PLGRKT: variants seen among roughly 807,000 people sequenced by gnomAD.
PLGRKT encodes the protein plasminogen receptor with a C-terminal lysine, also known as plasminogen receptor (KT).
A neutral mutation model predicts 18.5 loss-of-function variants in PLGRKT; 22 were observed. The ratio of observed to expected loss-of-function variants is 1.19; its 90% CI spans 0.85 to 1.70. PLGRKT has a LOEUF of 1.70. Ranked by LOEUF, PLGRKT falls within the 40% of genes most tolerant of loss-of-function variation. The probability of loss-of-function intolerance (pLI) is 0.00; values close to 1 mark genes in which losing one functional copy is unlikely to be tolerated. For synonymous variants in PLGRKT, 72 were observed against 52.8 expected, an observed-to-expected ratio of 1.36 and a Z score of -1.58; for missense variants, 235 against 174.4, an observed-to-expected ratio of 1.35 and a Z score of -1.96.
Position 5,418,879 on chromosome 9 carries a change from C to G in PLGRKT, c.81+13018G>C. 1 of 1,011,866 alleles carries G rather than the reference C, an allele frequency of 9.9e-7. No homozygotes were observed. The highest frequency in any genetic ancestry group is 1.5e-6 in the Non-Finnish European group (1 of 646,470). 62.7% of individuals were successfully genotyped at this position (1,011,866 alleles called of 1,614,324 possible). On this transcript the variant is annotated intron_variant, in intron 3 of 5. Coordinates refer to ENST00000223864, the MANE Select transcript of PLGRKT (RefSeq NM_018465.4). This position sits in a 1 kb window ranked among gnomAD's most constrained non-coding sequence, Gnocchi z 4.2. ...CGTCTGCTGGAGGCAAACTGAACAG[C>G]AGGTGTGCTTGCAATCCAGCAACTT...
chr9:5,423,804 G>C (rs1236776682), intron 3 of PLGRKT, among the ~76,000 whole-genome samples: 1 of 148,076 alleles, frequency 6.8e-6, no homozygotes, highest in African/African-American at 2.6e-5. Context: ...CCAGGCTCAA[G>C]CAATCCTCCC....
Position 5,436,270 on chromosome 9 carries a change from A to G in PLGRKT, c.-7+299T>C, listed in dbSNP as rs185024574. 1.7e-3 allele frequency among the ~76,000 whole-genome samples: 253 copies of G among 152,352 alleles called. 2 individuals carry two copies. Among genetic ancestry groups the G allele is most frequent in the Non-Finnish European group, 2.5e-3 (173 of 68,036 alleles). On this transcript the variant is annotated intron_variant, in intron 2 of 5. Transcript: ENST00000223864. ...AGTCTCCATGGTGTCTACTTCCCCT[A>G]AATATTTGCACAAAGCATGAGAGAT...
intron 3 of PLGRKT, among the ~76,000 whole-genome samples, chr9:5,383,301 C>T (rs1817780932): frequency 6.6e-6 from 1 of 152,206 alleles, no homozygotes; most frequent in South Asian, 2.1e-4. Context: ...GTGAAATAAT[C>T]ATCTTCAGTT....
At chr9:5,413,748 A>C (rs7875248) in intron 3 of PLGRKT, among the ~76,000 whole-genome samples, 1,673 of 152,340 alleles carry the variant, frequency 0.011, 31 homozygotes, top group African/African-American at 0.038. Flanking sequence ...TGTTGTTTTA[A>C]ATCACTAAGT....
rs532176795 is a variant in PLGRKT, at chr9:5,382,589, G to C, written c.82-20701C>G. Among the ~76,000 whole-genome samples, 9 of 152,356 alleles carry C rather than the reference G, an allele frequency of 5.9e-5. No individual in the cohort carries two copies. In the East Asian group the frequency reaches 1.3e-3, roughly 23 times the overall value. ...GAGTCGACTGAGGTAATGGAGGAAG[G>C]AGGGCAGGCCTGGAGGAATTTGCAA... On this transcript the variant is annotated intron_variant, in intron 3 of 5. Transcript: ENST00000223864.
intron 3 of PLGRKT, among the ~76,000 whole-genome samples, chr9:5,421,960 G>T (rs1222955823): frequency 6.6e-6 from 1 of 152,192 alleles, no homozygotes; most frequent in African/African-American, 2.4e-5. Flanking sequence ...TTGGTAAATT[G>T]TGGAGACTTC....
intron 3 of PLGRKT, among the ~76,000 whole-genome samples, chr9:5,421,105 G>C (rs1452450502): frequency 6.6e-6 from 1 of 152,110 alleles, no homozygotes; most frequent in South Asian, 2.1e-4. Flanking sequence ...CAGTTGTCCT[G>C]GGTACAAGGC....
At chr9:5,419,989 T>C (rs1301336848) in intron 3 of PLGRKT, among the ~76,000 whole-genome samples, 3 of 152,152 alleles carry the variant, frequency 2.0e-5, no homozygotes, top group African/African-American at 7.2e-5. Context: ...CACCAACATA[T>C]GACTAGGTAA....
At chr9:5,391,201 A>T (rs1044895871) in intron 3 of PLGRKT, among the ~76,000 whole-genome samples, 2 of 151,986 alleles carry the variant, frequency 1.3e-5, no homozygotes, top group Non-Finnish European at 2.9e-5. Context: ...AGGCAACTTT[A>T]TATGATGCGA....
intron 3 of PLGRKT, among the ~76,000 whole-genome samples, chr9:5,421,831 T>A (rs947586341): frequency 2.0e-5 from 3 of 152,218 alleles, no homozygotes; most frequent in African/African-American, 7.2e-5. Context: ...CTAAGGGACA[T>A]AGGAATCAAC....
At chr9:5,419,823 A>G (rs920638550) in intron 3 of PLGRKT, among the ~76,000 whole-genome samples, 6 of 152,214 alleles carry the variant, frequency 3.9e-5, no homozygotes, top group African/African-American at 1.4e-4. Context: ...TGGTTCCTCA[A>G]TAAGTTAAGC....
At chr9:5,396,215 C>T (rs1818045630) in intron 3 of PLGRKT, among the ~76,000 whole-genome samples, 1 of 151,662 alleles carries the variant, frequency 6.6e-6, no homozygotes, top group Admixed American at 6.6e-5. Flanking sequence ...TTTAATTATA[C>T]TTTACAATTC....
chr9:5,433,800 C>CA (rs1187342416), intron 2 of PLGRKT, among the ~76,000 whole-genome samples: 2 of 135,674 alleles, frequency 1.5e-5, no homozygotes, highest in Non-Finnish European at 1.6e-5. Context: ...GCCTGGCTGC[C>CA]CCGTCTGGGA....
chr9:5,400,874 A>G (rs376727439), intron 3 of PLGRKT, among the ~76,000 whole-genome samples: 2 of 152,014 alleles, frequency 1.3e-5, no homozygotes, highest in African/African-American at 4.8e-5. Flanking sequence ...TAATTCTAAC[A>G]TATTTTTTCC....
intron 3 of PLGRKT, among the ~76,000 whole-genome samples, chr9:5,419,625 T>C (rs1818535253): frequency 6.6e-6 from 1 of 152,200 alleles, no homozygotes; most frequent in Admixed American, 6.5e-5. Context: ...TTCAATGTTA[T>C]TAGCCATTAT....
intron 3 of PLGRKT, among the ~76,000 whole-genome samples, chr9:5,408,129 T>A (rs1818290753): frequency 6.6e-6 from 1 of 152,240 alleles, no homozygotes; most frequent in South Asian, 2.1e-4. Flanking sequence ...TATAAAATCA[T>A]ATTATCTTGT....
chr9:5,431,859 T>A (rs957038821), intron 3 of PLGRKT, 38 bp downstream of exon 3: 1 of 978,738 alleles, frequency 1.0e-6, no homozygotes, highest in Non-Finnish European at 1.6e-6. Flanking sequence ...ACTTTAAGCA[T>A]TGTAACAACA....
intron 3 of PLGRKT, among the ~76,000 whole-genome samples, chr9:5,394,432 A>C (rs896978079): frequency 6.6e-6 from 1 of 151,932 alleles, no homozygotes; most frequent in Non-Finnish European, 1.5e-5. Flanking sequence ...TTTGTTTTTG[A>C]GAAGGAGTCT....
chr9:5,360,913 T>C (rs1172723580), intron 5 of PLGRKT, among the ~76,000 whole-genome samples, 165 bp downstream of exon 5: 1 of 152,238 alleles, frequency 6.6e-6, no homozygotes, highest in Non-Finnish European at 1.5e-5. Flanking sequence ...TGGTATGAGC[T>C]GGCTCTAGGA....
Sources: gnomAD v4.1 joint callset for allele counts (sites outside exome capture counted in the v4.1 genomes callset) on GRCh38, gnomAD v4.1.1 for gene constraint, Gnocchi (gnomAD v3.1) non-coding constraint, MANE v1.5 for transcripts, NCBI Gene and HGNC (gene_info 2026-07-23, HGNC 2026-07-21) for gene names.